The following SGPP2 variants were observed in gnomAD, a reference collection of about 807,000 sequenced individuals.
SGPP2 encodes the protein sphingosine 1-phosphate phosphohydrolase 2.
In SGPP2, 30 loss-of-function variants were observed where a neutral mutation model predicts 33.9. The observed-to-expected ratio is 0.89, with a 90% CI of 0.66 to 1.20. The LOEUF (loss-of-function observed/expected upper bound fraction) is 1.20. Among genes scored for constraint, SGPP2 ranks in the 50% most tolerant of loss-of-function variants. SGPP2 has a pLI of 0.00. For synonymous variants in SGPP2, 233 were observed against 225.0 expected (o/e 1.04, Z -0.32); for missense variants, 458 against 532.1 (o/e 0.86, Z 1.37).
intron 2 of SGPP2, among the ~76,000 whole-genome samples, chr2:222,481,404 T>C (rs190321776): frequency 1.3e-5 from 2 of 152,224 alleles, no homozygotes; most frequent in African/African-American, 4.8e-5. Context: ...GGCTTTCATT[T>C]TTTATTGATT....
At chr2:222,529,536 T>C (rs947169462) in intron 4 of SGPP2, among the ~76,000 whole-genome samples, 2 of 152,184 alleles carry the variant, frequency 1.3e-5, no homozygotes, top group East Asian at 3.9e-4. Context: ...GGTTTCACCA[T>C]GTTGGCCAGG....
At chr2:222,455,525 C>T (rs950451661) in intron 1 of SGPP2, among the ~76,000 whole-genome samples, 3 of 152,146 alleles carry the variant, frequency 2.0e-5, no homozygotes, top group Non-Finnish European at 4.4e-5. Flanking sequence ...GGTCAGATCT[C>T]AGTCCTTGAC....
At chr2:222,451,897 T>G (rs1204523544) in intron 1 of SGPP2, among the ~76,000 whole-genome samples, 2 of 152,194 alleles carry the variant, frequency 1.3e-5, no homozygotes, top group African/African-American at 2.4e-5. Context: ...CTCAGCACTT[T>G]CTGTATGTCA....
Position 222,477,083 on chromosome 2 carries a change from ATATT to A in SGPP2, c.378+2359_378+2362del, listed in dbSNP as rs757881179. On this transcript the variant is annotated intron_variant, in intron 2 of 4. Coordinates refer to ENST00000321276, the MANE Select transcript of SGPP2 (RefSeq NM_152386.4). This position sits in a 1 kb window ranked among gnomAD's most constrained non-coding sequence, Gnocchi z 6.0. ...TATATGTGTGTTTATAGATATGTAT[ATATT>A]TGTGAATGTATGTATATAGGTGTGT... 6.9e-6 allele frequency among the ~76,000 whole-genome samples: 1 copy of A among 145,226 alleles called. No homozygotes were observed. The highest frequency in any genetic ancestry group is 2.1e-4 in the South Asian group (1 of 4,742).
At chr2:222,509,828 G>A (rs752275411) in intron 2 of SGPP2, among the ~76,000 whole-genome samples, 4 of 152,132 alleles carry the variant, frequency 2.6e-5, no homozygotes, top group Non-Finnish European at 5.9e-5. Flanking sequence ...ACAGAGTTGT[G>A]TAACCATCAC....
At chr2:222,431,380 T>C (rs1697153419) in intron 1 of SGPP2, among the ~76,000 whole-genome samples, 2 of 151,866 alleles carry the variant, frequency 1.3e-5, no homozygotes, top group South Asian at 4.2e-4. Flanking sequence ...GTGGCACACG[T>C]CTGATGTACC....
intron 1 of SGPP2, among the ~76,000 whole-genome samples, chr2:222,463,718 C>T (rs1697700108): frequency 6.6e-6 from 1 of 152,178 alleles, no homozygotes; most frequent in South Asian, 2.1e-4. Flanking sequence ...ATAAAACCAC[C>T]TTGACTTTGG....
At position 222,524,996 on chromosome 2, in the gene SGPP2, G is replaced by A; in HGVS notation, c.611G>A (p.Cys204Tyr). 6.2e-7 allele frequency: 1 copy of A among 1,613,998 alleles called. No individual in the cohort carries two copies. The highest frequency in any genetic ancestry group is 1.6e-4 in the Middle Eastern group (1 of 6,062). ...GCCGTGGTGTTTTCCACCTTGGTGT[G>A]TCTCAGCAGGCTCTACACTGGGATG... ...VMAVVFSTLV[C>Y]LSRLYTGMHT... Residue 204 changes from cysteine to tyrosine, a missense_variant, in exon 4 of 5, where the codon TGT becomes TAT. Physicochemically the swap from Cys to Tyr is radical, Grantham distance 194. Transcript: ENST00000321276.
Position 222,560,895 on chromosome 2 carries a change from CAGG to C in SGPP2, c.*2000_*2002del, listed in dbSNP as rs1258680276. ...GGCCGAGGTGGGCGGACCACGAGGT[CAGG>C]AGATCGAGACCATCCTGGCTAACAC... On this transcript the variant is annotated 3_prime_UTR_variant, in exon 5 of 5. Transcript: ENST00000321276. 6.6e-6 allele frequency: 1 copy of C among 152,156 alleles called. No homozygotes were observed. The allele number at this position is 152,156 out of a possible 1,614,324, so 9.4% of individuals were successfully genotyped here.
chr2:222,469,103 T>C (rs1294285608), intron 1 of SGPP2, among the ~76,000 whole-genome samples: 21 of 152,282 alleles, frequency 1.4e-4, no homozygotes, highest in Admixed American at 1.4e-3. Flanking sequence ...ATAATGTGGG[T>C]AATTTTCATT....
intron 1 of SGPP2, among the ~76,000 whole-genome samples, chr2:222,432,101 T>C (rs968399886): frequency 3.9e-5 from 6 of 152,246 alleles, no homozygotes; most frequent in African/African-American, 1.4e-4. Context: ...GTCAATTTCA[T>C]CCCGTGTGCC....
chr2:222,502,879 G>A (rs1698388684), intron 2 of SGPP2, among the ~76,000 whole-genome samples: 1 of 152,182 alleles, frequency 6.6e-6, no homozygotes, highest in Admixed American at 6.5e-5. Context: ...CACCGTGTAC[G>A]AAATTCTACC....
Position 222,424,730 on chromosome 2 carries a change from C to A in SGPP2, c.128C>A (p.Ala43Glu). The change falls in exon 1 of 5, where the codon GCG (alanine) becomes GAG (glutamate). Residue 43 changes from alanine (A) to glutamate (E), a missense_variant. Transcript: ENST00000321276. ...ENGADPTERA[A>E]RVPGVEHLPA... ...GGCGCGGACCCCACGGAGCGCGCGGCGCGGGTCCCCGGGGTCGAGCATCTC... is the reference window on the plus strand; with the variant it reads ...GGCGCGGACCCCACGGAGCGCGCGGAGCGGGTCCCCGGGGTCGAGCATCTC... The A allele has an allele frequency of 7.0e-7, 1 of 1,432,514 alleles. No homozygotes were observed. The highest frequency in any genetic ancestry group is 2.6e-5 in the Admixed American group (1 of 38,328). 88.7% of individuals were successfully genotyped at this position (1,432,514 alleles called of 1,614,324 possible).
In SGPP2 at chr2:222,561,622, A is replaced by G. The variant is rs143061684; in HGVS notation, c.*2724A>G. Among the ~76,000 whole-genome samples the G allele has an allele frequency of 5.5e-3, 840 of 151,744 alleles. 10 individuals carry two copies. Among genetic ancestry groups the G allele is most frequent in the African/African-American group, 0.019 (787 of 41,386 alleles). On this transcript the variant is annotated 3_prime_UTR_variant, in exon 5 of 5. Transcript: ENST00000321276. ...ATAGGAAGGCCGATCAGCTATATTG[A>G]TATATTTAAGGCTGTACTTAACTAA...
chr2:222,425,641 G>A (rs955905788), intron 1 of SGPP2, among the ~76,000 whole-genome samples: 4 of 152,208 alleles, frequency 2.6e-5, no homozygotes, highest in East Asian at 1.9e-4. Context: ...CATGTCTACC[G>A]GGAGCACTGG....
chr2:222,482,488 C>T, intron 2 of SGPP2, among the ~76,000 whole-genome samples: 1 of 152,128 alleles, frequency 6.6e-6, no homozygotes, highest in East Asian at 1.9e-4. Flanking sequence ...CTTCGAATTC[C>T]TTGACTCAAG....
At chr2:222,557,173 T>A (rs1252724251) in intron 4 of SGPP2, among the ~76,000 whole-genome samples, 1 of 152,142 alleles carries the variant, frequency 6.6e-6, no homozygotes, top group African/African-American at 2.4e-5. Context: ...TCAAGATCCC[T>A]CACTGGCCTC....
intron 2 of SGPP2, among the ~76,000 whole-genome samples, chr2:222,508,440 T>C (rs1172598816): frequency 2.6e-5 from 4 of 152,204 alleles, no homozygotes; most frequent in African/African-American, 9.6e-5. Flanking sequence ...ATCAATTTCC[T>C]TATCTGTAAA....
chr2:222,540,444 A>G (rs1391647881), intron 4 of SGPP2, among the ~76,000 whole-genome samples: 2 of 152,204 alleles, frequency 1.3e-5, no homozygotes, highest in Non-Finnish European at 2.9e-5. Flanking sequence ...TCAGTGTATT[A>G]ACAATCAGAG....
Sources: gnomAD v4.1 joint callset for allele counts (sites outside exome capture counted in the v4.1 genomes callset) on GRCh38, gnomAD v4.1.1 for gene constraint, Gnocchi (gnomAD v3.1) non-coding constraint, MANE v1.5 for transcripts, NCBI Gene and HGNC (gene_info 2026-07-23, HGNC 2026-07-21) for gene names.